Variants in SLIT3 observed in about 807,000 individuals in gnomAD.
SLIT3 encodes the protein slit guidance ligand 3, also known as slit homolog 3 protein.
Under a neutral mutation model 184.0 loss-of-function variants are expected in SLIT3, and 68 were observed. The observed-to-expected ratio is 0.37, with a 90% CI of 0.30 to 0.45. SLIT3 has a LOEUF of 0.45. SLIT3 is among the 20% of genes least tolerant of loss of function. SLIT3 has a pLI of 1.00. For missense variants in SLIT3, 1,707 were observed against 2,026.0 expected (o/e 0.84, Z 3.02); for synonymous variants, 831 against 828.6 (o/e 1.00, Z -0.05).
intron 8 of SLIT3, among the ~76,000 whole-genome samples, chr5:168,817,049 G>A (rs180699199): frequency 0.011 from 935 of 85,800 alleles, 13 homozygotes; most frequent in African/African-American, 0.039. Context: ...CAATGGACTA[G>A]GGGCTGAAAA....
intron 4 of SLIT3, among the ~76,000 whole-genome samples, chr5:169,039,927 C>T (rs1281237986): frequency 6.6e-6 from 1 of 152,230 alleles, no homozygotes; most frequent in African/African-American, 2.4e-5. Context: ...TTAACAAAAG[C>T]CAATGTTTGA....
intron 4 of SLIT3, among the ~76,000 whole-genome samples, chr5:168,971,776 C>G (rs988310312): frequency 1.3e-5 from 2 of 152,222 alleles, no homozygotes; most frequent in Non-Finnish European, 2.9e-5. Flanking sequence ...GATTCTCTTT[C>G]TTCTGAGGGA....
intron 4 of SLIT3, among the ~76,000 whole-genome samples, chr5:169,172,294 C>A (rs1762843250): frequency 6.6e-6 from 1 of 152,140 alleles, no homozygotes; most frequent in Non-Finnish European, 1.5e-5. Flanking sequence ...ATTTCAGGGT[C>A]CTTTTATGTC....
rs397999882 is a variant in SLIT3, at chr5:169,002,322, C to CAAAAAAAAAAAAA, written c.414-118999_414-118987dup. Among the ~76,000 whole-genome samples the CAAAAAAAAAAAAA allele has an allele frequency of 6.1e-3, 148 of 24,242 alleles. 4 individuals carry two copies. Among genetic ancestry groups the CAAAAAAAAAAAAA allele is most frequent in the East Asian group, 0.014 (9 of 630 alleles). The allele number at this position is 24,242 out of a possible 152,430, so 15.9% of individuals were successfully genotyped here. A position where few individuals can be genotyped will look rare whatever the true frequency, so the allele number is the denominator to read the frequency against. On this transcript the variant is annotated intron_variant, in intron 4 of 35. Transcript: ENST00000519560. ...TGAGCAACAGAACGAGACTCTGTCT[C>CAAAAAAAAAAAAA]AAAAAAAAAAAAAAAAAAAAAAAAA...
intron 12 of SLIT3, among the ~76,000 whole-genome samples, chr5:168,778,486 T>C (rs1406270733): frequency 6.6e-6 from 1 of 152,212 alleles, no homozygotes; most frequent in Non-Finnish European, 1.5e-5. Context: ...AAGACCCTGC[T>C]TGCCTCCTGG....
chr5:169,197,039 C>T (rs1014386222), intron 3 of SLIT3, among the ~76,000 whole-genome samples: 5 of 152,164 alleles, frequency 3.3e-5, no homozygotes, highest in Admixed American at 1.3e-4. Flanking sequence ...GTAGGGTGTT[C>T]GGTTTGCTGA....
chr5:169,238,883 A>G (rs1395419288), intron 3 of SLIT3, among the ~76,000 whole-genome samples: 1 of 152,138 alleles, frequency 6.6e-6, no homozygotes, highest in Non-Finnish European at 1.5e-5. Flanking sequence ...ACTCTCTTCT[A>G]TATTTTGCAG....
chr5:168,792,474 A>G (rs1361907281), intron 10 of SLIT3: 8 of 152,262 alleles, frequency 5.3e-5, no homozygotes, highest in African/African-American at 1.9e-4. Context: ...TCTCAGACCC[A>G]CGTTGGTCCT....
At chr5:168,844,832 C>A (rs1758400456) in intron 5 of SLIT3, 177 bp from the exon 6 acceptor site, 1 of 592,042 alleles carries the variant, frequency 1.7e-6, no homozygotes, top group Middle Eastern at 4.5e-4. Context: ...CTCTGACTGT[C>A]TGAGAGAACT....
intron 1 of SLIT3, among the ~76,000 whole-genome samples, chr5:169,268,533 C>A (rs1176794096): frequency 6.6e-6 from 1 of 152,162 alleles, no homozygotes; most frequent in Non-Finnish European, 1.5e-5. Flanking sequence ...AAGCAGAGAA[C>A]CTTTCTTACA....
intron 4 of SLIT3, among the ~76,000 whole-genome samples, chr5:168,913,587 G>C (rs2113091184): frequency 6.6e-6 from 1 of 152,056 alleles, no homozygotes; most frequent in East Asian, 1.9e-4. Context: ...GGCCAACGTG[G>C]TAAAACCCTG....
intron 1 of SLIT3, among the ~76,000 whole-genome samples, chr5:169,261,658 G>A (rs1014050389): frequency 3.9e-5 from 6 of 152,112 alleles, no homozygotes; most frequent in Admixed American, 1.3e-4. Flanking sequence ...TAAAACAATA[G>A]CAAAGAAGTT....
In SLIT3 at chr5:168,883,278, C is replaced by T. The variant is rs534754485; in HGVS notation, c.472G>A (p.Asp158Asn). The stretch of plus-strand genomic sequence containing the variant: ...AACATCACTTACAGGTTCTTCACAT[C>T]GGTGATGCCGCGGAACGCCTTCCTC... Reference protein sequence around the residue: ...IPRKAFRGITDVKNLQLDNNH... With the variant: ...IPRKAFRGITNVKNLQLDNNH... The change falls in exon 5 of 36, where the codon GAT becomes AAT. Residue 158 changes from aspartate (D) to asparagine (N), a missense_variant. Around this residue, in one of 3 missense-constraint regions of SLIT3, gnomAD observed 1,307 missense variants for 1,511.6 expected, o/e 0.86. Transcript: ENST00000519560. The T allele has an allele frequency of 5.3e-5, 86 of 1,613,936 alleles. No homozygotes were observed. The highest frequency in any genetic ancestry group is 8.3e-5 in the Admixed American group (5 of 60,026).
chr5:168,710,269 A>G (rs1762511637), intron 25 of SLIT3: 1 of 152,212 alleles, frequency 6.6e-6, no homozygotes. Flanking sequence ...GAGGTATTAG[A>G]GAATTAAATA....
At position 169,164,319 on chromosome 5, in the gene SLIT3, A is replaced by G. The variant is rs576364634; in HGVS notation, c.413+29160T>C. Among the ~76,000 whole-genome samples the G allele has an allele frequency of 1.2e-3, 189 of 152,284 alleles. 1 individual carries two copies. The Middle Eastern group carries it at 0.021, about 17-fold the overall frequency. On this transcript the variant is annotated intron_variant, in intron 4 of 35. Coordinates refer to ENST00000519560, the MANE Select transcript of SLIT3 (RefSeq NM_003062.4). ...CCCTCGGAGAAAGCTTTCCTTCCCA[A>G]GGTCCCATTCTAGCACAACGGGTTG...
Position 168,663,888 on chromosome 5 carries a change from C to T in SLIT3, c.*2566G>A, listed in dbSNP as rs1201526519. 2.0e-5 allele frequency: 3 copies of T among 152,180 alleles called. No homozygotes were observed. Among genetic ancestry groups the T allele is most frequent in the African/African-American group, 4.8e-5 (2 of 41,422 alleles). The allele number at this position is 152,180 out of a possible 1,614,324, so 9.4% of individuals were successfully genotyped here. On this transcript the variant is annotated 3_prime_UTR_variant, in exon 36 of 36. Transcript: ENST00000519560. ...CTCCTTGTGTAATAAGGCAATTGTCCATTTTTATGACTGTTTTTGTCACAG... is the reference window on the plus strand; with the variant it reads ...CTCCTTGTGTAATAAGGCAATTGTCTATTTTTATGACTGTTTTTGTCACAG...
intron 20 of SLIT3, among the ~76,000 whole-genome samples, chr5:168,726,900 A>G (rs938720635): frequency 2.0e-5 from 3 of 152,126 alleles, no homozygotes; most frequent in African/African-American, 7.2e-5. Context: ...AATCCCAGCT[A>G]CTCAGGCGGC....
intron 5 of SLIT3, among the ~76,000 whole-genome samples, chr5:168,852,883 C>G (rs1454949901): frequency 6.6e-6 from 1 of 152,148 alleles, no homozygotes; most frequent in Non-Finnish European, 1.5e-5. Context: ...GAAGTGTGTG[C>G]ACTCTGAAAA....
intron 4 of SLIT3, among the ~76,000 whole-genome samples, chr5:169,034,208 G>A (rs1401600158): frequency 6.6e-6 from 1 of 151,926 alleles, no homozygotes; most frequent in Non-Finnish European, 1.5e-5. Flanking sequence ...GTTTCATTTT[G>A]TTGATTATTT....
Sources: gnomAD v4.1 joint callset for allele counts (sites outside exome capture counted in the v4.1 genomes callset) on GRCh38, gnomAD v4.1.1 for gene constraint, gnomAD v4.1.1 regional missense constraint, MANE v1.5 for transcripts, NCBI Gene and HGNC (gene_info 2026-07-23, HGNC 2026-07-21) for gene names.